The following PSMA1 variants were observed in gnomAD, a reference collection of about 807,000 sequenced individuals.
PSMA1 encodes the protein proteasome subunit alpha type-1.
In PSMA1, 3 loss-of-function variants were observed where a neutral mutation model predicts 38.4. The observed-to-expected ratio is 0.08, with a 90% CI of 0.04 to 0.20. The LOEUF is 0.20. Ranked by LOEUF, PSMA1 falls within the 10% of genes least tolerant of loss-of-function variation. The pLI, the probability that PSMA1 is intolerant of heterozygous loss-of-function variation, is 1.00. For synonymous variants in PSMA1, 101 were observed against 107.1 expected (o/e 0.94, Z 0.35); for missense variants, 227 against 325.3 (o/e 0.70, Z 2.32).
chr11:14,533,513 A>G (rs1419761074), intron 2 of PSMA1, among the ~76,000 whole-genome samples: 1 of 151,942 alleles, frequency 6.6e-6, no homozygotes, highest in Non-Finnish European at 1.5e-5. Context: ...ACAGAACAAG[A>G]TGGGAATCTT....
chr11:14,574,421 C>T (rs973052777), intron 2 of PSMA1, among the ~76,000 whole-genome samples: 7 of 152,212 alleles, frequency 4.6e-5, no homozygotes, highest in South Asian at 2.1e-4. Context: ...AGCTTTCACA[C>T]GGTGTTAAGC....
At chr11:14,606,307 A>T (rs1446020508) in intron 2 of PSMA1, among the ~76,000 whole-genome samples, 1 of 152,090 alleles carries the variant, frequency 6.6e-6, no homozygotes, top group Non-Finnish European at 1.5e-5. Context: ...TTGGGAAATG[A>T]AATCACCTCT....
intron 2 of PSMA1, among the ~76,000 whole-genome samples, chr11:14,606,549 G>A (rs1219504380): frequency 6.6e-6 from 1 of 152,136 alleles, no homozygotes; most frequent in Non-Finnish European, 1.5e-5. Flanking sequence ...ATAAATGCAG[G>A]CCTACAGGAC....
At chr11:14,572,080 C>T (rs1354986395) in intron 2 of PSMA1, among the ~76,000 whole-genome samples, 2 of 152,258 alleles carry the variant, frequency 1.3e-5, no homozygotes, top group Non-Finnish European at 2.9e-5. Context: ...ATTTAACACC[C>T]CACTGTCAAT....
rs575409137 is a variant in PSMA1 at position 14,622,617 on chromosome 11, G to A, written c.-165-11466C>T. Among the ~76,000 whole-genome samples the A allele has an allele frequency of 2.6e-5, 4 of 152,328 alleles. No homozygotes were observed. The East Asian group carries it at 7.7e-4, about 29-fold the overall frequency. On this transcript the variant is annotated intron_variant, in intron 1 of 10. Transcript: ENST00000418988. ...CCCTTCAAAGTAAAAGAAAATTGCT[G>A]CATCTTGCGTGTGCCACCACAAAGA...
intron 2 of PSMA1, among the ~76,000 whole-genome samples, chr11:14,547,244 G>T (rs1329340698): frequency 6.6e-6 from 1 of 152,200 alleles, no homozygotes; most frequent in Non-Finnish European, 1.5e-5. Context: ...CAGCTTGTTA[G>T]AGTAGTAGGG....
rs1851451734 is a variant in PSMA1 at position 14,517,680 on chromosome 11, G to C, written c.216C>G (p.Ile72Met). ...KILHVDNHIG[I>M]SIAGLTADAR... The stretch of plus-strand genomic sequence containing the variant: ...CATCAGCAGTAAGCCCCGCAATTGA[G>C]ATACCAATATGGTTGTCAACATGGA... Residue 72 changes from isoleucine (I) to methionine (M), a missense_variant, in exon 4 of 10, where the codon ATC becomes ATG. Transcript: ENST00000396394. 6.2e-7 allele frequency: 1 copy of C among 1,607,494 alleles called. No homozygotes were observed.
chr11:14,617,770 T>TA (rs1852794251), intron 1 of PSMA1, among the ~76,000 whole-genome samples: 1 of 151,834 alleles, frequency 6.6e-6, no homozygotes, highest in Non-Finnish European at 1.5e-5. Flanking sequence ...TTCTTACTGT[T>TA]ACCGCTGCTG....
At chr11:14,634,486 T>C (rs913768853) in intron 1 of PSMA1, among the ~76,000 whole-genome samples, 4 of 151,970 alleles carry the variant, frequency 2.6e-5, no homozygotes, top group African/African-American at 9.7e-5. Context: ...CACTTAATTC[T>C]TCGTAAAATT....
At chr11:14,585,980 G>C (rs1852341098) in intron 2 of PSMA1, among the ~76,000 whole-genome samples, 1 of 152,110 alleles carries the variant, frequency 6.6e-6, no homozygotes, top group Non-Finnish European at 1.5e-5. Flanking sequence ...TTTTCAAACA[G>C]ACAAGACAGT....
At chr11:14,520,135 C>G in intron 1 of PSMA1, 162 bp downstream of exon 1, 1 of 1,164,852 alleles carries the variant, frequency 8.6e-7, no homozygotes, top group Non-Finnish European at 1.3e-6. Context: ...CCTAGCCCGG[C>G]CAGGCCGGAG....
chr11:14,519,722 T>C (rs1851494525), intron 1 of PSMA1, among the ~76,000 whole-genome samples: 2 of 152,142 alleles, frequency 1.3e-5, no homozygotes, highest in African/African-American at 4.8e-5. Flanking sequence ...CAGACAGAAC[T>C]GGAAACCCAG....
At chr11:14,590,394 TGTTA>T (rs2079334156) in intron 2 of PSMA1, among the ~76,000 whole-genome samples, 1 of 152,168 alleles carries the variant, frequency 6.6e-6, no homozygotes, top group South Asian at 2.1e-4. Context: ...TTTGTTTGTT[TGTTA>T]GTTTTCAAAA....
At chr11:14,530,132 T>C (rs1237526883) in intron 2 of PSMA1, among the ~76,000 whole-genome samples, 1 of 152,172 alleles carries the variant, frequency 6.6e-6, no homozygotes. Context: ...CACTGTGACC[T>C]CAACCCCTGC....
intron 2 of PSMA1, among the ~76,000 whole-genome samples, chr11:14,570,204 C>T (rs550642824): frequency 2.0e-5 from 3 of 152,308 alleles, no homozygotes; most frequent in Non-Finnish European, 4.4e-5. Flanking sequence ...AAAACCCCAT[C>T]TGTATGTCAC....
chr11:14,564,532 G>A (rs569214382), intron 2 of PSMA1, among the ~76,000 whole-genome samples: 4 of 152,244 alleles, frequency 2.6e-5, no homozygotes, highest in Non-Finnish European at 4.4e-5. Flanking sequence ...GTGAATGTAA[G>A]TCTTCATTTG....
chr11:14,605,326 C>T (rs1485091033), intron 2 of PSMA1, among the ~76,000 whole-genome samples: 2 of 152,058 alleles, frequency 1.3e-5, no homozygotes, highest in African/African-American at 2.4e-5. Context: ...TTTCATGTTT[C>T]CCAGCCACTT....
chr11:14,609,664 C>G (rs1852685550), intron 2 of PSMA1, among the ~76,000 whole-genome samples: 1 of 152,064 alleles, frequency 6.6e-6, no homozygotes, highest in African/African-American at 2.4e-5. Context: ...AATGCAAAAA[C>G]AGGAGGCAGG....
intron 1 of PSMA1, among the ~76,000 whole-genome samples, chr11:14,628,852 T>G (rs1270370408): frequency 1.3e-5 from 2 of 149,730 alleles, no homozygotes; most frequent in Non-Finnish European, 3.0e-5. Flanking sequence ...TTTTAATGAC[T>G]GCCATTCTAA....
Sources: gnomAD v4.1 joint callset for allele counts (sites outside exome capture counted in the v4.1 genomes callset) on GRCh38, gnomAD v4.1.1 for gene constraint, MANE v1.5 for transcripts, NCBI Gene and HGNC (gene_info 2026-07-23, HGNC 2026-07-21) for gene names.